Variants in RFX7 observed in about 807,000 individuals in gnomAD.
The protein encoded by RFX7 is regulatory factor X7, also known as DNA-binding protein RFX7.
Under a neutral mutation model 111.8 loss-of-function variants are expected in RFX7, and 26 were observed. That is an observed-to-expected ratio of 0.23 (90% confidence interval 0.17 to 0.32). The LOEUF (loss-of-function observed/expected upper bound fraction) is 0.32, where lower values mean the gene tolerates loss of function less well. RFX7 is among the 10% of genes least tolerant of loss of function. RFX7 has a pLI of 1.00. For synonymous variants in RFX7, 624 were observed against 624.4 expected, an observed-to-expected ratio of 1.00 and a Z score of 0.01; for missense variants, 1,573 against 1,772.9, an observed-to-expected ratio of 0.89 and a Z score of 2.02.
chr15:56,193,979 A>G (rs2043123422), intron 2 of RFX7, among the ~76,000 whole-genome samples: 1 of 152,170 alleles, frequency 6.6e-6, no homozygotes, highest in Non-Finnish European at 1.5e-5. Flanking sequence ...TTCAAATTTA[A>G]AGATGATACA....
At chr15:56,195,700 C>T (rs1339254082) in intron 2 of RFX7, among the ~76,000 whole-genome samples, 1 of 152,190 alleles carries the variant, frequency 6.6e-6, no homozygotes, top group Non-Finnish European at 1.5e-5. Context: ...TGTTTGGAAT[C>T]ATACAGTGGT....
intron 2 of RFX7, among the ~76,000 whole-genome samples, chr15:56,193,997 A>C (rs2141168327): frequency 6.6e-6 from 1 of 152,316 alleles, no homozygotes; most frequent in Non-Finnish European, 1.5e-5. Context: ...ACAATAAATA[A>C]ATTAGCAGTC....
At chr15:56,214,873 T>C (rs1408465395) in intron 2 of RFX7, among the ~76,000 whole-genome samples, 1 of 152,218 alleles carries the variant, frequency 6.6e-6, no homozygotes, top group Admixed American at 6.5e-5. Flanking sequence ...TTCGTAATTC[T>C]GTGTAGATTG....
chr15:56,094,424 C>G lies in RFX7; in HGVS notation c.3304G>C (p.Val1102Leu), dbSNP rs1278511207. The change falls in exon 10 of 10, where the codon GTG becomes CTG. Residue 1102 changes from valine (V) to leucine (L), a missense_variant. Physicochemically the swap from Val to Leu is conservative, Grantham distance 32. Transcript: ENST00000559447. ...DRFRKPHAFA[V>L]PGQSYQSQSR... Reference sequence around the variant, plus strand: ...TGAGACTGATAAGACTGTCCAGGCACAGCAAAAGCATGAGGTTTCCTGAAA... The same window carrying G: ...TGAGACTGATAAGACTGTCCAGGCAGAGCAAAAGCATGAGGTTTCCTGAAA... 1 of 1,613,936 alleles carries G rather than the reference C, an allele frequency of 6.2e-7. No individual in the cohort carries two copies. The highest frequency in any genetic ancestry group is 8.5e-7 in the Non-Finnish European group (1 of 1,179,872).
intron 2 of RFX7, among the ~76,000 whole-genome samples, chr15:56,229,550 G>C (rs2043526276): frequency 6.6e-6 from 1 of 152,162 alleles, no homozygotes; most frequent in Non-Finnish European, 1.5e-5. Flanking sequence ...TTTTTAAGAA[G>C]ATGACTCCTC....
intron 3 of RFX7, among the ~76,000 whole-genome samples, chr15:56,158,599 A>G (rs2042682901): frequency 6.6e-6 from 1 of 152,150 alleles, no homozygotes; most frequent in Non-Finnish European, 1.5e-5. Context: ...TTTTTTATGT[A>G]GCTGAAACAT....
At position 56,094,199 on chromosome 15, in the gene RFX7, G is replaced by C. The variant is rs1369916906; in HGVS notation, c.3529C>G (p.Leu1177Val). ...ACTGGATAGAGGGTGCTTCCACTAA[G>C]ATTACGTTGGCGATGAACAGCAGGG... Reference protein sequence around the residue: ...VSPAVHRQRNLSGSTLYPVSN... With the variant: ...VSPAVHRQRNVSGSTLYPVSN... Residue 1177 changes from leucine to valine, a missense_variant, in exon 10 of 10, where the codon CTT (leucine) becomes GTT (valine). By Grantham distance (32) the Leu-to-Val change is conservative. Around this residue, in one of 7 missense-constraint regions of RFX7, gnomAD observed 411 missense variants for 478.1 expected, o/e 0.86. Transcript: ENST00000559447. 5 of 1,613,942 alleles carry C rather than the reference G, an allele frequency of 3.1e-6. No individual in the cohort carries two copies. Among genetic ancestry groups the C allele is most frequent in the Non-Finnish European group, 4.2e-6 (5 of 1,179,862 alleles).
intron 2 of RFX7, among the ~76,000 whole-genome samples, chr15:56,201,504 T>A (rs1444284922): frequency 1.3e-5 from 2 of 152,172 alleles, no homozygotes; most frequent in African/African-American, 4.8e-5. Flanking sequence ...AATGTTCAAA[T>A]GATGCTCTAG....
intron 5 of RFX7, among the ~76,000 whole-genome samples, chr15:56,136,593 T>C (rs1389898154): frequency 1.3e-5 from 2 of 151,174 alleles, no homozygotes; most frequent in African/African-American, 2.4e-5. Flanking sequence ...CTTTTCCTAA[T>C]TGAATACCCT....
chr15:56,227,484 T>G (rs2043497795), intron 2 of RFX7, among the ~76,000 whole-genome samples: 1 of 152,212 alleles, frequency 6.6e-6, no homozygotes, highest in Non-Finnish European at 1.5e-5. Context: ...TGATTCCATA[T>G]TCTCAAGTCT....
At chr15:56,159,602 TCAGAAATAACTTTCTCCAGGTTC>T (rs1182577639) in intron 3 of RFX7, among the ~76,000 whole-genome samples, 1 of 152,220 alleles carries the variant, frequency 6.6e-6, no homozygotes, top group African/African-American at 2.4e-5. Context: ...GCAGAATAGT[TCAGAAATAACTTTCTCCAGGTTC>T]GTCTGGGAAC....
At chr15:56,225,494 C>A (rs923800630) in intron 2 of RFX7, among the ~76,000 whole-genome samples, 1 of 152,104 alleles carries the variant, frequency 6.6e-6, no homozygotes, top group Admixed American at 6.5e-5. Context: ...AGATTTTATT[C>A]TATTATTTAA....
chr15:56,098,637 T>C (rs1258818648), intron 8 of RFX7, among the ~76,000 whole-genome samples: 4 of 152,236 alleles, frequency 2.6e-5, no homozygotes, highest in Non-Finnish European at 5.9e-5. Context: ...ACAGTTTCAG[T>C]TAACAACAGG....
intron 3 of RFX7, among the ~76,000 whole-genome samples, chr15:56,158,185 G>A (rs2042677231): frequency 6.6e-6 from 1 of 152,154 alleles, no homozygotes; most frequent in African/African-American, 2.4e-5. Flanking sequence ...GTAAGCTATA[G>A]TGGGTAAGGT....
intron 7 of RFX7, 129 bp from the exon 8 acceptor site, chr15:56,101,695 C>T (rs1235612814): frequency 3.6e-6 from 3 of 836,220 alleles, no homozygotes; most frequent in East Asian, 5.3e-5. Flanking sequence ...TATGAATTGA[C>T]CCACTGGCAG....
At chr15:56,128,812 AAT>A (rs1313822784) in intron 5 of RFX7, among the ~76,000 whole-genome samples, 1 of 152,148 alleles carries the variant, frequency 6.6e-6, no homozygotes, top group African/African-American at 2.4e-5. Context: ...AATCCTAAGA[AAT>A]ACACTAAACC....
chr15:56,137,451 T>G (rs28867122), intron 5 of RFX7, among the ~76,000 whole-genome samples: 1 of 152,110 alleles, frequency 6.6e-6, no homozygotes, highest in African/African-American at 2.4e-5. Flanking sequence ...TCTGTGGGAT[T>G]GGTGGTGATA....
At chr15:56,130,892 AAACCT>A (rs1454884188) in intron 5 of RFX7, among the ~76,000 whole-genome samples, 2 of 152,168 alleles carry the variant, frequency 1.3e-5, no homozygotes, top group African/African-American at 4.8e-5. Flanking sequence ...AATAAAGTAA[AAACCT>A]AACCAGTGTA....
At chr15:56,181,189 G>C (rs560226951) in intron 2 of RFX7, among the ~76,000 whole-genome samples, 7 of 152,282 alleles carry the variant, frequency 4.6e-5, no homozygotes, top group African/African-American at 1.7e-4. Flanking sequence ...CATTCATTCA[G>C]CTCTAGCCAG....
Sources: gnomAD v4.1 joint callset for allele counts (sites outside exome capture counted in the v4.1 genomes callset) on GRCh38, gnomAD v4.1.1 for gene constraint, gnomAD v4.1.1 regional missense constraint, MANE v1.5 for transcripts, NCBI Gene and HGNC (gene_info 2026-07-23, HGNC 2026-07-21) for gene names.